APOL5: variants seen among roughly 807,000 people sequenced by gnomAD.
APOL5 encodes apolipoprotein L, 5.
In APOL5, 29 loss-of-function variants were observed where a neutral mutation model predicts 35.5. The ratio of observed to expected loss-of-function variants is 0.82; its 90% CI spans 0.61 to 1.11. The LOEUF is 1.11. Ranked by LOEUF, APOL5 falls within the 50% of genes most tolerant of loss-of-function variation. APOL5 has a pLI of 0.00. For synonymous variants in APOL5, 188 were observed against 200.2 expected (o/e 0.94, Z 0.51); for missense variants, 514 against 530.4 (o/e 0.97, Z 0.30).
chr22:35,718,876 G>A (rs895397487), intron 1 of APOL5, among the ~76,000 whole-genome samples: 4 of 152,170 alleles, frequency 2.6e-5, no homozygotes, highest in Middle Eastern at 6.8e-3. Context: ...TGGCCAACAT[G>A]GTGAAACCCC....
the APOL5 span, among the ~76,000 whole-genome samples, chr22:35,712,483 G>T: frequency 6.6e-6 from 1 of 152,158 alleles, no homozygotes; most frequent in Non-Finnish European, 1.5e-5. Flanking sequence ...CTCCCAACAT[G>T]TTGGGATTAC....
At chr22:35,710,969 C>A in the APOL5 span, among the ~76,000 whole-genome samples, 1 of 152,302 alleles carries the variant, frequency 6.6e-6, no homozygotes, top group East Asian at 1.9e-4. Context: ...AAGTTCAAGG[C>A]CAGACTGGCC....
chr22:35,726,501 G>T lies in APOL5; in HGVS notation c.433G>T (p.Gly145Trp). Residue 145 changes from glycine to tryptophan, a missense_variant, in exon 3 of 5, where the codon GGG (glycine) becomes TGG (tryptophan). Gly to Trp is a radical substitution (Grantham distance 184). This residue lies in a region of APOL5 where 254 missense variants were observed against 254.7 expected (regional missense o/e 1.00). Transcript: ENST00000249044. ...GACCAGCCTGGTGGCCAGCTCTTCC[G>T]GGGCTGTTTCTGGGGTCATGAACAT... ...TKTSLVASSSGAVSGVMNILG... is the reference protein window; with the variant it reads ...TKTSLVASSSWAVSGVMNILG... The T allele has an allele frequency of 6.2e-7, 1 of 1,614,160 alleles. No individual in the cohort carries two copies. The highest frequency in any genetic ancestry group is 8.5e-7 in the Non-Finnish European group (1 of 1,180,034).
At chr22:35,718,720 T>A (rs1470925123) in intron 1 of APOL5, among the ~76,000 whole-genome samples, 1 of 152,012 alleles carries the variant, frequency 6.6e-6, no homozygotes, top group East Asian at 1.9e-4. Context: ...TTATAACAAC[T>A]GTATAGCAAG....
chr22:35,724,297 A>G (rs1047460657), intron 2 of APOL5, among the ~76,000 whole-genome samples: 1 of 151,822 alleles, frequency 6.6e-6, no homozygotes, highest in Non-Finnish European at 1.5e-5. Context: ...AAAAAAAAAA[A>G]AAAAAATGGG....
intron 4 of APOL5, 75 bp downstream of exon 4, chr22:35,728,979 C>A: frequency 2.9e-5 from 40 of 1,387,160 alleles, no homozygotes; most frequent in Middle Eastern, 2.5e-4. Context: ...GGTGGGTGGG[C>A]TTCAGGGAAA....
rs915069378 is a variant in APOL5 at position 35,718,050 on chromosome 22, A to G, written c.55+124A>G. 3.2e-5 allele frequency: 22 copies of G among 677,332 alleles called. No individual in the cohort carries two copies. The African/African-American group carries it at 3.7e-4, about 11-fold the overall frequency. 42.0% of individuals were successfully genotyped at this position (677,332 alleles called of 1,614,324 possible). ...ATATGCTATTGCTGGGTGGAGATAT[A>G]GCAGATCCTTGGTTTTAATGAGGGA... On this transcript the variant is annotated intron_variant, in intron 1 of 4. Coordinates refer to ENST00000249044, the MANE Select transcript of APOL5 (RefSeq NM_030642.1).
chr22:35,727,354 G>A (rs891613856), intron 3 of APOL5, among the ~76,000 whole-genome samples, 160 bp downstream of exon 3: 4 of 152,172 alleles, frequency 2.6e-5, no homozygotes, highest in Non-Finnish European at 5.9e-5. Flanking sequence ...TTAACTAGGC[G>A]CCCTCTGTTC....
At chr22:35,716,578 A>T (rs570894996), upstream of APOL5, among the ~76,000 whole-genome samples, 68 of 152,306 alleles carry the variant, frequency 4.5e-4, 1 homozygote, top group Middle Eastern at 3.4e-3. Flanking sequence ...GGCTTTTATT[A>T]TAAAACTAAC....
At chr22:35,723,922 A>C (rs989337787) in intron 2 of APOL5, among the ~76,000 whole-genome samples, 1 of 152,182 alleles carries the variant, frequency 6.6e-6, no homozygotes, top group Admixed American at 6.5e-5. Flanking sequence ...GCGCCACTGC[A>C]CTCCAGCCCG....
rs1927151112 is a variant in APOL5 at position 35,726,296 on chromosome 22, C to G, written c.228C>G (p.Tyr76Ter). 6.2e-7 allele frequency: 1 copy of G among 1,614,088 alleles called. No individual in the cohort carries two copies. Among genetic ancestry groups the G allele is most frequent in the Non-Finnish European group, 8.5e-7 (1 of 1,180,062 alleles). The stretch of plus-strand genomic sequence containing the variant: ...GTGATGAGGCTGGTATGCTGTCCTA[C>G]TTTCTGTTTGAAGAGCTGATGCGAT... ...VHSDEAGMLSYFLFEELMRCD... is the reference protein window; with the variant it reads ...VHSDEAGMLS Residue 76 changes from tyrosine (Y) to a stop codon, truncating the protein, a stop_gained, in exon 3 of 5, where the codon TAC becomes TAG. Coordinates refer to ENST00000249044, the MANE Select transcript of APOL5 (RefSeq NM_030642.1). LOFTEE classifies it high-confidence loss of function.
chr22:35,720,494 C>A, intron 1 of APOL5, 74 bp from the exon 2 acceptor site: 2 of 1,335,840 alleles, frequency 1.5e-6, no homozygotes, highest in Non-Finnish European at 2.1e-6. Context: ...AGCCAACTTT[C>A]CCGGAGCACT....
chr22:35,721,621 A>G (rs1030716064), intron 2 of APOL5, among the ~76,000 whole-genome samples: 1 of 152,130 alleles, frequency 6.6e-6, no homozygotes, highest in African/African-American at 2.4e-5. Flanking sequence ...TTAGAGGGCA[A>G]TGGAATCCTA....
At chr22:35,728,355 C>T (rs1232871711) in intron 3 of APOL5, among the ~76,000 whole-genome samples, 1 of 152,184 alleles carries the variant, frequency 6.6e-6, no homozygotes, top group Admixed American at 6.5e-5. Flanking sequence ...CCCCGAGTAG[C>T]TGGGACTACA....
intron 1 of APOL5, among the ~76,000 whole-genome samples, chr22:35,718,509 C>T (rs567780522): frequency 1.0e-4 from 15 of 145,482 alleles, no homozygotes; most frequent in Middle Eastern, 3.7e-3. Flanking sequence ...TCCCGTTACT[C>T]GGGAGGGTGA....
At chr22:35,719,985 CT>C (rs1926904347) in intron 1 of APOL5, among the ~76,000 whole-genome samples, 1 of 152,184 alleles carries the variant, frequency 6.6e-6, no homozygotes, top group Non-Finnish European at 1.5e-5. Context: ...CTCCAACTGC[CT>C]TTGGCTAAAT....
chr22:35,724,984 T>C (rs1014294046), intron 2 of APOL5, among the ~76,000 whole-genome samples: 2 of 152,170 alleles, frequency 1.3e-5, no homozygotes, highest in African/African-American at 4.8e-5. Flanking sequence ...TAGGCCTGCA[T>C]AGGGGTAGTT....
chr22:35,717,810 A>G, upstream of APOL5: 1 of 1,181,296 alleles, frequency 8.5e-7, no homozygotes, highest in Non-Finnish European at 1.1e-6. Context: ...GGTTTCAGGC[A>G]TGGAGAAGGG....
chr22:35,721,777 A>G (rs2145999789), intron 2 of APOL5, among the ~76,000 whole-genome samples: 1 of 152,282 alleles, frequency 6.6e-6, no homozygotes, highest in Admixed American at 6.5e-5. Flanking sequence ...TGGCCTGGGC[A>G]TTCAGACTCT....
Sources: gnomAD v4.1 joint callset for allele counts (sites outside exome capture counted in the v4.1 genomes callset) on GRCh38, gnomAD v4.1.1 for gene constraint, gnomAD v4.1.1 regional missense constraint, MANE v1.5 for transcripts, NCBI Gene and HGNC (gene_info 2026-07-23, HGNC 2026-07-21) for gene names.